The following MYO9A variants were observed in gnomAD, a reference collection of about 807,000 sequenced individuals.
MYO9A encodes unconventional myosin-IXa.
MYO9A carries 103 observed loss-of-function variants against 293.3 expected under a neutral mutation model. The observed-to-expected ratio is 0.35, with a 90% confidence interval of 0.30 to 0.41. The LOEUF is 0.41. MYO9A is among the 10% of genes least tolerant of loss of function. MYO9A has a pLI of 1.00. For missense variants in MYO9A, 2,685 were observed against 3,033.0 expected, an observed-to-expected ratio of 0.89 and a Z score of 2.69; for synonymous variants, 1,001 against 1,035.7, an observed-to-expected ratio of 0.97 and a Z score of 0.64.
chr15:71,838,452 A>G (rs1042056360), intron 39 of MYO9A, among the ~76,000 whole-genome samples: 3 of 152,136 alleles, frequency 2.0e-5, no homozygotes, highest in East Asian at 1.9e-4. Flanking sequence ...GACTACATGA[A>G]TAATTTGTAC....
Position 71,898,070 on chromosome 15 carries a change from A to ATT in MYO9A, c.4432_4433insAA (p.Leu1478Ter). 6.2e-7 allele frequency: 1 copy of ATT among 1,614,196 alleles called. No individual in the cohort carries two copies. The highest frequency in any genetic ancestry group is 1.1e-5 in the South Asian group (1 of 91,082). Residue 1478 changes from leucine (L) to a stop codon, truncating the protein, a stop_gained and frameshift_variant, in exon 25 of 42, where the codon TTG (leucine) becomes TAATG (stop). Coordinates refer to ENST00000356056, the MANE Select transcript of MYO9A (RefSeq NM_006901.4). LOFTEE classifies it high-confidence loss of function. ...CSGKDQIVPS[L>*]NTESSNPVLK... ...CACAGGATTAGAAGACTCTGTATTCAAAGAAGGAACAATCTGATCTTTTCC... is the reference window on the plus strand; with the variant it reads ...CACAGGATTAGAAGACTCTGTATTCATTAAGAAGGAACAATCTGATCTTTTCC...
At chr15:71,963,110 G>T (rs959024131) in intron 13 of MYO9A, among the ~76,000 whole-genome samples, 3 of 152,084 alleles carry the variant, frequency 2.0e-5, no homozygotes, top group African/African-American at 7.2e-5. Flanking sequence ...TTGAGACAGG[G>T]TCTTGTTCTG....
chr15:71,955,706 T>C (rs1489828746), intron 14 of MYO9A, among the ~76,000 whole-genome samples: 1 of 152,212 alleles, frequency 6.6e-6, no homozygotes, highest in African/African-American at 2.4e-5. Flanking sequence ...TACTAAACAA[T>C]TCCTTGATTT....
In MYO9A at chr15:71,897,833, G is replaced by A. The variant is rs77907812; in HGVS notation, c.4670C>T (p.Pro1557Leu). The A allele has an allele frequency of 6.2e-7, 1 of 1,613,984 alleles. No homozygotes were observed. Among genetic ancestry groups the A allele is most frequent in the East Asian group, 2.2e-5 (1 of 44,882 alleles). The change falls in exon 25 of 42, where the codon CCA (proline) becomes CTA (leucine). Residue 1557 changes from proline to leucine, a missense_variant. Pro to Leu is a moderately conservative substitution (Grantham distance 98). Coordinates refer to ENST00000356056, the MANE Select transcript of MYO9A (RefSeq NM_006901.4). ...SYQSKQRVERPSSLLSLNTSN... is the reference protein window; with the variant it reads ...SYQSKQRVERLSSLLSLNTSN... ...GGTATTTAAGCTGAGGAGAGAGGAT[G>A]GCCTCTCTACTCTTTGCTTTGACTG...
At chr15:71,832,331 A>G (rs184792054) in intron 39 of MYO9A, among the ~76,000 whole-genome samples, 36 of 152,270 alleles carry the variant, frequency 2.4e-4, no homozygotes, top group Admixed American at 1.1e-3. Context: ...AAAAGCAGTT[A>G]AAGATATTAA....
At position 71,827,939 on chromosome 15, in the gene MYO9A, A is replaced by G. The variant is rs770951705; in HGVS notation, c.7128T>C (p.Ala2376=). 3.1e-6 allele frequency: 5 copies of G among 1,613,932 alleles called. No individual in the cohort carries two copies. In the South Asian group the frequency reaches 4.4e-5, roughly 14 times the overall value. ...CCATATTCAAATTCTCTGAGCTATC[A>G]GCAGTCCCAATGGAGGCCTCAGACT... ...TLESEASIGT[A]DSSENLNMES... is the part of the protein sequence containing the mutation. Residue 2376 remains alanine, a synonymous_variant, in exon 41 of 42, where the codon GCT becomes GCC. Transcript: ENST00000356056.
chr15:72,109,931 T>C (rs1047182195), intron 1 of MYO9A, among the ~76,000 whole-genome samples: 1 of 145,444 alleles, frequency 6.9e-6, no homozygotes, highest in African/African-American at 2.6e-5. Context: ...GCAAAAAAAA[T>C]CTAAAAATCG....
chr15:71,925,791 T>C (rs2058296949), intron 18 of MYO9A, among the ~76,000 whole-genome samples: 1 of 152,192 alleles, frequency 6.6e-6, no homozygotes, highest in Non-Finnish European at 1.5e-5. Flanking sequence ...ACCATCATAC[T>C]AGAGATTTAA....
At chr15:72,022,679 C>G (rs1487042479) in intron 4 of MYO9A, among the ~76,000 whole-genome samples, 1 of 152,068 alleles carries the variant, frequency 6.6e-6, no homozygotes, top group Non-Finnish European at 1.5e-5. Context: ...TCCCTAGTAG[C>G]TGGGACCACA....
At chr15:71,932,235 AT>A (rs1481515913) in intron 18 of MYO9A, among the ~76,000 whole-genome samples, 4 of 152,240 alleles carry the variant, frequency 2.6e-5, no homozygotes, top group Middle Eastern at 3.4e-3. Context: ...AAACGTCTAT[AT>A]TTTAGATCAG....
intron 1 of MYO9A, among the ~76,000 whole-genome samples, chr15:72,103,614 C>A (rs72733324): frequency 6.9e-6 from 1 of 145,476 alleles, no homozygotes; most frequent in African/African-American, 2.6e-5. Flanking sequence ...GCAGAAGAAG[C>A]AACAGAAGAA....
intron 31 of MYO9A, 66 bp from the exon 32 acceptor site, chr15:71,875,904 T>A (rs1328262397): frequency 3.3e-6 from 3 of 907,304 alleles, no homozygotes; most frequent in African/African-American, 1.7e-5. Flanking sequence ...TCTTACTTCA[T>A]TGCAAATGTT....
chr15:71,933,094 T>C (rs1477316382), intron 18 of MYO9A, among the ~76,000 whole-genome samples: 1 of 152,168 alleles, frequency 6.6e-6, no homozygotes, highest in South Asian at 2.1e-4. Context: ...ATATTGTTTA[T>C]ATGGGTTAAA....
At chr15:72,111,353 G>C (rs1222575993) in intron 1 of MYO9A, among the ~76,000 whole-genome samples, 2 of 151,000 alleles carry the variant, frequency 1.3e-5, no homozygotes, top group East Asian at 3.9e-4. Context: ...GCCGGGCATG[G>C]TGGCGTGCAC....
At chr15:71,840,918 G>A (rs566602339) in intron 39 of MYO9A, among the ~76,000 whole-genome samples, 7 of 152,120 alleles carry the variant, frequency 4.6e-5, no homozygotes, top group Non-Finnish European at 5.9e-5. Flanking sequence ...GGCGTGAGCC[G>A]CCGTGCCCAG....
chr15:72,024,907 G>C (rs1232296759), intron 4 of MYO9A, among the ~76,000 whole-genome samples: 1 of 151,688 alleles, frequency 6.6e-6, no homozygotes, highest in Non-Finnish European at 1.5e-5. Flanking sequence ...AGGAATAGAA[G>C]AACAGAAGAA....
intron 34 of MYO9A, among the ~76,000 whole-genome samples, chr15:71,858,853 A>AT (rs1050918357): frequency 3.3e-5 from 5 of 150,958 alleles, no homozygotes; most frequent in African/African-American, 1.2e-4. Flanking sequence ...TTAAAGTATA[A>AT]TAAAAAAAAA....
At chr15:71,840,333 C>A (rs1039647014) in intron 39 of MYO9A, among the ~76,000 whole-genome samples, 9 of 152,140 alleles carry the variant, frequency 5.9e-5, no homozygotes, top group African/African-American at 2.2e-4. Context: ...AAAGATAACT[C>A]ATTGATGGTT....
rs148362127 is a variant in MYO9A at position 71,825,602 on chromosome 15, A to ATTTGTTTG, written c.*970_*977dup. On this transcript the variant is annotated 3_prime_UTR_variant, in exon 42 of 42. Coordinates refer to ENST00000356056, the MANE Select transcript of MYO9A (RefSeq NM_006901.4). ...TGGAAACTAACTAAACGGTCACATT[A>ATTTGTTTG]TTTGTTTGTTTGTTTGAGTCTGAGT... The ATTTGTTTG allele has an allele frequency of 3.9e-5, 6 of 152,142 alleles. No individual in the cohort carries two copies. The highest frequency in any genetic ancestry group is 2.0e-4 in the Admixed American group (3 of 15,280). The allele number at this position is 152,142 out of a possible 1,614,324, so 9.4% of individuals were successfully genotyped here. A position where few individuals can be genotyped will look rare whatever the true frequency, so the allele number is the denominator to read the frequency against.
Sources: allele counts gnomAD v4.1 joint callset (sites outside exome capture counted in the v4.1 genomes callset), GRCh38; gene constraint gnomAD v4.1.1; transcripts MANE v1.5; gene names NCBI Gene and HGNC (gene_info 2026-07-23, HGNC 2026-07-21).